Variants in ANK3 observed in about 807,000 individuals in gnomAD.
ANK3 encodes the protein ankyrin-3.
ANK3 carries 57 observed loss-of-function variants against 370.9 expected under a neutral mutation model. The observed-to-expected ratio is 0.15, with a 90% CI of 0.12 to 0.19. ANK3 has a LOEUF of 0.19. ANK3 is among the 10% of genes least tolerant of loss of function. ANK3 has a pLI of 1.00. For synonymous variants in ANK3, 1,929 were observed against 1,946.3 expected (o/e 0.99, Z 0.23); for missense variants, 4,439 against 5,302.1 (o/e 0.84, Z 5.06).
At chr10:60,534,492 T>C (rs566626778) in intron 2 of ANK3, among the ~76,000 whole-genome samples, 2 of 152,238 alleles carry the variant, frequency 1.3e-5, no homozygotes, top group Non-Finnish European at 2.9e-5. Flanking sequence ...TCAGGATATA[T>C]ATATTTTTTC....
intron 37 of ANK3, among the ~76,000 whole-genome samples, 186 bp downstream of exon 37, chr10:60,068,448 AAAG>A (rs1171373483): frequency 1.1e-4 from 16 of 152,366 alleles, no homozygotes; most frequent in African/African-American, 3.1e-4. Context: ...CAAAAGGCAG[AAAG>A]AAGAGTATAT....
intron 23 of ANK3, among the ~76,000 whole-genome samples, chr10:60,164,021 A>C (rs2095560334): frequency 6.6e-6 from 1 of 152,220 alleles, no homozygotes; most frequent in African/African-American, 2.4e-5. Flanking sequence ...AATCTAACTA[A>C]AATGACAATC....
chr10:60,526,230 AAACTGTT>A (rs1313862861), intron 2 of ANK3, among the ~76,000 whole-genome samples: 1 of 152,114 alleles, frequency 6.6e-6, no homozygotes, highest in African/African-American at 2.4e-5. Flanking sequence ...AGGCCTTTTG[AAACTGTT>A]ATTTTCCTCA....
intron 2 of ANK3, among the ~76,000 whole-genome samples, chr10:60,471,126 A>T (rs2065208650): frequency 6.6e-6 from 1 of 152,202 alleles, no homozygotes; most frequent in Non-Finnish European, 1.5e-5. Flanking sequence ...CACCATACAG[A>T]TAATTTACAC....
intron 1 of ANK3, among the ~76,000 whole-genome samples, chr10:60,674,940 A>C (rs962781512): frequency 1.3e-5 from 2 of 152,202 alleles, no homozygotes; most frequent in Non-Finnish European, 2.9e-5. Context: ...ACAAAAGCAT[A>C]AACCATATAT....
chr10:60,518,644 T>A (rs1567112910), intron 2 of ANK3, among the ~76,000 whole-genome samples: 2 of 152,236 alleles, frequency 1.3e-5, no homozygotes, highest in East Asian at 3.9e-4. Context: ...TCTTTATCAC[T>A]TTCCCCTCCC....
chr10:60,638,784 A>G (rs1284437823), intron 1 of ANK3, among the ~76,000 whole-genome samples: 2 of 152,140 alleles, frequency 1.3e-5, no homozygotes, highest in African/African-American at 4.8e-5. Flanking sequence ...ATTAGACATC[A>G]TAAGAACAAA....
At chr10:60,161,693 G>C (rs2095504624) in intron 23 of ANK3, among the ~76,000 whole-genome samples, 1 of 151,974 alleles carries the variant, frequency 6.6e-6, no homozygotes, top group Non-Finnish European at 1.5e-5. Context: ...AAAAAAAATT[G>C]AACTCATGGA....
chr10:60,683,060 T>G (rs2079217731), intron 1 of ANK3, among the ~76,000 whole-genome samples: 1 of 152,096 alleles, frequency 6.6e-6, no homozygotes, highest in African/African-American at 2.4e-5. Flanking sequence ...GTGTCAGAAC[T>G]GAATTGAAGG....
chr10:60,303,292 A>G (rs1482657921), intron 1 of ANK3, among the ~76,000 whole-genome samples: 2 of 152,200 alleles, frequency 1.3e-5, no homozygotes, highest in Non-Finnish European at 2.9e-5. Flanking sequence ...CAGAAAAAAT[A>G]TTTGTGAACG....
chr10:60,108,193 A>C (rs1387285259), intron 27 of ANK3: 1 of 448,444 alleles, frequency 2.2e-6, no homozygotes, highest in Non-Finnish European at 4.5e-6. Context: ...CCTACCCAAT[A>C]AATTTTGTTC....
chr10:60,234,894 C>T (rs2097305104), intron 7 of ANK3, 108 bp from the exon 8 acceptor site: 2 of 696,966 alleles, frequency 2.9e-6, no homozygotes, highest in African/African-American at 1.8e-5. Flanking sequence ...CTTTTCTAAA[C>T]ATCCTTTATG....
chr10:60,045,961 T>G (rs2131878066), intron 42 of ANK3, among the ~76,000 whole-genome samples: 1 of 152,288 alleles, frequency 6.6e-6, no homozygotes, highest in African/African-American at 2.4e-5. Context: ...TTCTTACAGT[T>G]TGTGGGTGCA....
chr10:60,219,761 G>A (rs538018957), intron 8 of ANK3, among the ~76,000 whole-genome samples: 6 of 152,156 alleles, frequency 3.9e-5, no homozygotes, highest in African/African-American at 9.6e-5. Context: ...GATTCAATAC[G>A]TTCATGTAAC....
At position 60,260,561 on chromosome 10, in the gene ANK3, G is replaced by A. The variant is rs560649560; in HGVS notation, c.798+1298C>T. Among the ~76,000 whole-genome samples the A allele has an allele frequency of 5.5e-4, 84 of 151,806 alleles. 2 individuals carry two copies. Among genetic ancestry groups the A allele is most frequent in the Admixed American group, 5.2e-3 (80 of 15,266 alleles). On this transcript the variant is annotated intron_variant, in intron 7 of 43. Transcript: ENST00000280772. Reference sequence around the variant, plus strand: ...ATGTATGTCCCCACCCAAATCTCACGTTGAAACGTAGTGTCCCATGTTGGA... The same window carrying A: ...ATGTATGTCCCCACCCAAATCTCACATTGAAACGTAGTGTCCCATGTTGGA...
intron 24 of ANK3, chr10:60,137,423 G>A (rs1262637070): frequency 1.1e-5 from 3 of 267,826 alleles, no homozygotes; most frequent in African/African-American, 4.9e-5. Flanking sequence ...ATCAGACAGG[G>A]AAAAAAGAAA....
At chr10:60,114,378 G>C (rs1176872071) in intron 25 of ANK3, 47 bp from the exon 26 acceptor site, 1 of 1,039,268 alleles carries the variant, frequency 9.6e-7, no homozygotes, top group South Asian at 1.4e-5. Flanking sequence ...AACCATACAA[G>C]ACTGATTTCT....
At chr10:60,488,993 T>C (rs575825727) in intron 2 of ANK3, among the ~76,000 whole-genome samples, 1 of 152,370 alleles carries the variant, frequency 6.6e-6, no homozygotes, top group African/African-American at 2.4e-5. Context: ...TATGGTATCC[T>C]ACTTTTATTC....
intron 1 of ANK3, among the ~76,000 whole-genome samples, chr10:60,334,102 G>A (rs1194956152): frequency 6.6e-6 from 1 of 152,126 alleles, no homozygotes; most frequent in Admixed American, 6.5e-5. Context: ...TGGCAATTGG[G>A]TAATCTCTAT....
Sources: gnomAD v4.1 joint callset for allele counts (sites outside exome capture counted in the v4.1 genomes callset) on GRCh38, gnomAD v4.1.1 for gene constraint, MANE v1.5 for transcripts, NCBI Gene and HGNC (gene_info 2026-07-23, HGNC 2026-07-21) for gene names.